The following GABRG3 variants were observed in gnomAD, a reference collection of about 807,000 sequenced individuals.
The protein encoded by GABRG3 is gamma-aminobutyric acid type A receptor subunit gamma3, also known as gamma-aminobutyric acid receptor subunit gamma-3.
Under a neutral mutation model 48.8 loss-of-function variants are expected in GABRG3, and 25 were observed. The observed-to-expected ratio is 0.51, with a 90% CI of 0.37 to 0.72. The LOEUF is 0.72. Among genes scored for constraint, GABRG3 ranks in the 30% least tolerant of loss-of-function variants. GABRG3 has a pLI of 0.00. For missense variants in GABRG3, 394 were observed against 577.9 expected, an observed-to-expected ratio of 0.68 and a Z score of 3.26; for synonymous variants, 227 against 217.6, an observed-to-expected ratio of 1.04 and a Z score of -0.38.
intron 5 of GABRG3, among the ~76,000 whole-genome samples, chr15:27,456,540 A>G (rs551844118): frequency 6.6e-6 from 1 of 152,232 alleles, no homozygotes; most frequent in Non-Finnish European, 1.5e-5. Flanking sequence ...ACATTATACA[A>G]GAAGAGGCCA....
intron 3 of GABRG3, among the ~76,000 whole-genome samples, chr15:27,034,722 C>A (rs1428133080): frequency 6.6e-6 from 1 of 152,216 alleles, no homozygotes; most frequent in African/African-American, 2.4e-5. Flanking sequence ...TGGTCACTTA[C>A]TTACCCCAAT....
At chr15:27,148,434 A>T (rs1464424650) in intron 3 of GABRG3, among the ~76,000 whole-genome samples, 5 of 152,026 alleles carry the variant, frequency 3.3e-5, no homozygotes, top group African/African-American at 1.2e-4. Flanking sequence ...ACAAGGCTTA[A>T]CACTATTCTT....
chr15:27,150,634 C>G (rs563460986), intron 3 of GABRG3, among the ~76,000 whole-genome samples: 2 of 152,338 alleles, frequency 1.3e-5, no homozygotes, highest in Admixed American at 1.3e-4. Context: ...ACTACTAACC[C>G]TTGCCATTTT....
At chr15:27,081,815 G>A (rs1217151252) in intron 3 of GABRG3, among the ~76,000 whole-genome samples, 1 of 152,248 alleles carries the variant, frequency 6.6e-6, no homozygotes, top group East Asian at 1.9e-4. Flanking sequence ...AGATGCTCAT[G>A]CTTTTCCCGT....
At chr15:27,182,281 A>T (rs1020651944) in intron 3 of GABRG3, among the ~76,000 whole-genome samples, 1 of 152,138 alleles carries the variant, frequency 6.6e-6, no homozygotes, top group South Asian at 2.1e-4. Context: ...GACCTATGTA[A>T]TTCACTCTTA....
At chr15:27,257,561 TAA>T (rs1286226893) in intron 3 of GABRG3, among the ~76,000 whole-genome samples, 2 of 152,226 alleles carry the variant, frequency 1.3e-5, no homozygotes, top group Non-Finnish European at 2.9e-5. Context: ...ATTTATAGTA[TAA>T]GGGTCCATCT....
At chr15:27,488,429 A>G (rs1890270952) in intron 6 of GABRG3, among the ~76,000 whole-genome samples, 1 of 152,132 alleles carries the variant, frequency 6.6e-6, no homozygotes, top group Non-Finnish European at 1.5e-5. Context: ...CTGCACTCAT[A>G]AGGTCTGTCA....
At chr15:27,394,003 GCATATAGT>G (rs1887226022) in intron 5 of GABRG3, among the ~76,000 whole-genome samples, 1 of 152,216 alleles carries the variant, frequency 6.6e-6, no homozygotes, top group Non-Finnish European at 1.5e-5. Context: ...CTTATAGACA[GCATATAGT>G]CTGATCATGT....
chr15:27,308,419 T>C (rs1892818510), intron 3 of GABRG3, among the ~76,000 whole-genome samples: 2 of 146,046 alleles, frequency 1.4e-5, no homozygotes, highest in Non-Finnish European at 1.5e-5. Flanking sequence ...TATAAACATG[T>C]AATGTAAACA....
At chr15:27,070,119 C>T (rs768765985) in intron 3 of GABRG3, among the ~76,000 whole-genome samples, 28 of 152,196 alleles carry the variant, frequency 1.8e-4, no homozygotes, top group South Asian at 1.0e-3. Context: ...GGGAGTCCTC[C>T]CCCACGTGAG....
chr15:27,491,149 A>T (rs976049565), intron 6 of GABRG3, among the ~76,000 whole-genome samples: 5 of 151,890 alleles, frequency 3.3e-5, no homozygotes, highest in African/African-American at 1.2e-4. Context: ...TGAGATGCTC[A>T]CGCTGGTCTG....
intron 5 of GABRG3, among the ~76,000 whole-genome samples, chr15:27,477,043 A>G (rs1390934923): frequency 6.6e-6 from 1 of 152,228 alleles, no homozygotes; most frequent in Non-Finnish European, 1.5e-5. Context: ...AATGACTGTC[A>G]ACAAGTAATT....
chr15:27,374,425 C>T (rs1799889327), intron 5 of GABRG3, among the ~76,000 whole-genome samples: 6 of 152,086 alleles, frequency 3.9e-5, no homozygotes, highest in Admixed American at 3.9e-4. Context: ...ACCACGGCAC[C>T]AGTGAATTTT....
intron 3 of GABRG3, among the ~76,000 whole-genome samples, chr15:27,282,684 C>A (rs1358648415): frequency 6.6e-6 from 1 of 152,122 alleles, no homozygotes; most frequent in Non-Finnish European, 1.5e-5. Context: ...CTTTATAATT[C>A]TTGTCAGATC....
At position 27,217,729 on chromosome 15, in the gene GABRG3, G is replaced by A. The variant is rs1448182963; in HGVS notation, c.271-109080G>A. Among the ~76,000 whole-genome samples the A allele has an allele frequency of 2.6e-5, 4 of 152,228 alleles. 1 individual carries two copies. Among genetic ancestry groups the A allele is most frequent in the Admixed American group, 1.3e-4 (2 of 15,292 alleles). On this transcript the variant is annotated intron_variant, in intron 3 of 9. Coordinates refer to ENST00000615808, the MANE Select transcript of GABRG3 (RefSeq NM_033223.5). ...GGCACACACAGAGGGACGAAGGAAA[G>A]CAAAACATTCTACTCTCAACATAGG...
intron 3 of GABRG3, among the ~76,000 whole-genome samples, chr15:27,101,632 A>G (rs1329094369): frequency 1.3e-5 from 2 of 152,174 alleles, no homozygotes; most frequent in Admixed American, 6.5e-5. Context: ...CCATGCAATT[A>G]CATCGACCTG....
At chr15:27,416,223 G>T (rs1422967085) in intron 5 of GABRG3, among the ~76,000 whole-genome samples, 1 of 152,180 alleles carries the variant, frequency 6.6e-6, no homozygotes, top group Non-Finnish European at 1.5e-5. Context: ...CTTTAAAATG[G>T]CCTCTAATCA....
chr15:27,281,704 T>C (rs1891439399), intron 3 of GABRG3, among the ~76,000 whole-genome samples: 7 of 151,778 alleles, frequency 4.6e-5, no homozygotes, highest in Admixed American at 4.6e-4. Context: ...TCTTTTATAA[T>C]ATGTTTGTCT....
chr15:27,183,131 T>A (rs998290905), intron 3 of GABRG3, among the ~76,000 whole-genome samples: 1 of 152,130 alleles, frequency 6.6e-6, no homozygotes, highest in South Asian at 2.1e-4. Flanking sequence ...AATTTTTTTT[T>A]CCCTATGAAC....
Sources: allele counts gnomAD v4.1 joint callset (sites outside exome capture counted in the v4.1 genomes callset), GRCh38; gene constraint gnomAD v4.1.1; transcripts MANE v1.5; gene names NCBI Gene and HGNC (gene_info 2026-07-23, HGNC 2026-07-21).